SFMBT2: variants seen among roughly 807,000 people sequenced by gnomAD.
The protein encoded by SFMBT2 is Scm like with four mbt domains 2.
Under a neutral mutation model 110.1 loss-of-function variants are expected in SFMBT2, and 38 were observed. The ratio of observed to expected loss-of-function variants is 0.35; its 90% CI spans 0.27 to 0.45. SFMBT2 has a LOEUF of 0.45. Ranked by LOEUF, SFMBT2 falls within the 20% of genes least tolerant of loss-of-function variation. The pLI is 1.00. For missense variants in SFMBT2, 1,011 were observed against 1,094.9 expected (o/e 0.92, Z 1.08); for synonymous variants, 425 against 425.4 (o/e 1.00, Z 0.01).
chr10:7,346,060 G>A (rs982327321), intron 4 of SFMBT2, among the ~76,000 whole-genome samples: 2 of 152,054 alleles, frequency 1.3e-5, no homozygotes, highest in African/African-American at 4.8e-5. Context: ...TCACCCCCCC[G>A]AAATTCCCTC....
At chr10:7,311,156 T>G (rs1842847345) in intron 4 of SFMBT2, among the ~76,000 whole-genome samples, 1 of 151,366 alleles carries the variant, frequency 6.6e-6, no homozygotes. Context: ...AACTGTTTCA[T>G]TCTAAATCTT....
At chr10:7,323,231 G>A (rs4748827) in intron 4 of SFMBT2, among the ~76,000 whole-genome samples, 65,071 of 151,808 alleles carry the variant, frequency 0.43, 14,906 homozygotes, top group African/African-American at 0.61. Flanking sequence ...AGGCGGGTTG[G>A]TCACCTGAGT....
chr10:7,376,849 A>C (rs1845232985), intron 2 of SFMBT2, among the ~76,000 whole-genome samples: 1 of 66,314 alleles, frequency 1.5e-5, no homozygotes, highest in East Asian at 4.8e-4. Flanking sequence ...CGGGGTGGAC[A>C]GTGGCAAAAA....
intron 4 of SFMBT2, among the ~76,000 whole-genome samples, chr10:7,354,536 C>T (rs909714439): frequency 6.6e-6 from 1 of 152,086 alleles, no homozygotes; most frequent in Non-Finnish European, 1.5e-5. Flanking sequence ...TATTCTCAGG[C>T]AGATCAGTCT....
intron 9 of SFMBT2, among the ~76,000 whole-genome samples, chr10:7,240,353 C>G (rs1840392245): frequency 6.6e-6 from 1 of 152,130 alleles, no homozygotes; most frequent in Non-Finnish European, 1.5e-5. Flanking sequence ...GTCCCTCATT[C>G]TTTTCAACAA....
In SFMBT2 at chr10:7,243,602, A is replaced by G; in HGVS notation, c.1076T>C (p.Val359Ala). The change falls in exon 9 of 21, where the codon GTA becomes GCA. Residue 359 changes from valine to alanine, a missense_variant. Val to Ala is a moderately conservative substitution (Grantham distance 64). This residue lies in a region of SFMBT2 where 979 missense variants were observed against 1,016.1 expected (regional missense o/e 0.96). Transcript: ENST00000397167. ...CHADSLGILP[V>A]QWCLKNGVSL... is the part of the protein sequence containing the mutation. ...GACTCCATTTTTAAGGCACCACTGT[A>G]CTGGCAAAATCCCCAAAGAATCTGC... 1.1e-6 allele frequency: 1 copy of G among 872,984 alleles called. No homozygotes were observed. The highest frequency in any genetic ancestry group is 2.4e-5 in the East Asian group (1 of 41,710). 54.1% of individuals were successfully genotyped at this position (872,984 alleles called of 1,614,324 possible).
intron 2 of SFMBT2, among the ~76,000 whole-genome samples, chr10:7,375,584 AAGCATCTG>A (rs1845177893): frequency 6.6e-6 from 1 of 152,138 alleles, no homozygotes; most frequent in African/African-American, 2.4e-5. Flanking sequence ...TATTCATTGG[AAGCATCTG>A]TGCAAACAAC....
At chr10:7,228,376 T>TAA in intron 9 of SFMBT2, 136 of 686,156 alleles carry the variant, frequency 2.0e-4, no homozygotes, top group Middle Eastern at 7.4e-4. Flanking sequence ...AATAAAAAAT[T>TAA]AAAAAAAAAA....
In SFMBT2 at chr10:7,188,665, T is replaced by A. The variant is rs987530282; in HGVS notation, c.1767A>T (p.Glu589Asp). The A allele has an allele frequency of 6.2e-7, 1 of 1,613,780 alleles. No individual in the cohort carries two copies. Among genetic ancestry groups the A allele is most frequent in the Non-Finnish European group, 8.5e-7 (1 of 1,179,874 alleles). Residue 589 changes from glutamate to aspartate, a missense_variant, in exon 16 of 21, where the codon GAA becomes GAT. By Grantham distance (45) the Glu-to-Asp change is conservative. Coordinates refer to ENST00000397167, the MANE Select transcript of SFMBT2 (RefSeq NM_001387889.1). ...CTTCCTGGAAATTCCAGTGGGGATC[T>A]TCTACCAGCTGTAATTCTCTTAATA... ...GRVLRELQLV[E>D]DPHWNFQEET...
chr10:7,331,881 G>A (rs375408717), intron 4 of SFMBT2, among the ~76,000 whole-genome samples: 16 of 151,994 alleles, frequency 1.1e-4, no homozygotes, highest in African/African-American at 2.7e-4. Context: ...GTGGTGGTGC[G>A]CCCCTGTATT....
At chr10:7,283,247 G>T (rs555966068) in intron 6 of SFMBT2, among the ~76,000 whole-genome samples, 1 of 152,332 alleles carries the variant, frequency 6.6e-6, no homozygotes, top group South Asian at 2.1e-4. Context: ...GTATGACAGA[G>T]AGCATAAGGC....
intron 4 of SFMBT2, among the ~76,000 whole-genome samples, chr10:7,309,739 T>C (rs1365834011): frequency 6.6e-6 from 1 of 152,208 alleles, no homozygotes; most frequent in African/African-American, 2.4e-5. Flanking sequence ...GTTAAAATAG[T>C]AATTCAGTAA....
At chr10:7,229,848 G>A (rs61838001) in intron 9 of SFMBT2, among the ~76,000 whole-genome samples, 36,637 of 150,428 alleles carry the variant, frequency 0.24, 4,815 homozygotes, top group South Asian at 0.37. Context: ...AGCCTCCTGA[G>A]TAGCTGGGAC....
intron 11 of SFMBT2, among the ~76,000 whole-genome samples, chr10:7,207,165 G>C (rs1839163702): frequency 6.6e-6 from 1 of 152,042 alleles, no homozygotes; most frequent in African/African-American, 2.4e-5. Flanking sequence ...TTTGAGATCA[G>C]CCTGGCCAAC....
intron 12 of SFMBT2, chr10:7,204,843 A>C: frequency 1.5e-6 from 1 of 682,280 alleles, no homozygotes; most frequent in Non-Finnish European, 1.8e-6. Flanking sequence ...ATTGCACTCC[A>C]GCCTGGGCAA....
At chr10:7,341,275 G>A (rs907106379) in intron 4 of SFMBT2, among the ~76,000 whole-genome samples, 3 of 152,158 alleles carry the variant, frequency 2.0e-5, no homozygotes, top group Admixed American at 6.5e-5. Context: ...ATCTGAAAAT[G>A]CAAAATATGG....
chr10:7,284,298 A>G, intron 5 of SFMBT2, 148 bp from the exon 6 acceptor site: 4 of 1,217,570 alleles, frequency 3.3e-6, no homozygotes, highest in Non-Finnish European at 4.4e-6. Context: ...ATCCTTGCCC[A>G]GCCCATGCCC....
chr10:7,243,547 A>G lies in SFMBT2; in HGVS notation c.1120+11T>C, dbSNP rs1292980589. ...ATCTCCAGACCCTGCATACCTTCAC[A>G]GAATACAAACCTTTGGGAGGAGTGA... On this transcript the variant is annotated intron_variant, in intron 9 of 20. Coordinates refer to ENST00000397167, the MANE Select transcript of SFMBT2 (RefSeq NM_001387889.1). The G allele has an allele frequency of 3.4e-6, 3 of 872,468 alleles. No individual in the cohort carries two copies. The East Asian group carries it at 7.2e-5, about 21-fold the overall frequency. 54.0% of individuals were successfully genotyped at this position (872,468 alleles called of 1,614,324 possible). A position where few individuals can be genotyped will look rare whatever the true frequency, so the allele number is the denominator to read the frequency against.
chr10:7,384,315 G>A (rs1845523091), intron 1 of SFMBT2, among the ~76,000 whole-genome samples: 1 of 151,610 alleles, frequency 6.6e-6, no homozygotes, highest in South Asian at 2.1e-4. Flanking sequence ...ACCGTCTGGG[G>A]CACCTCGGAG....
Sources: allele counts gnomAD v4.1 joint callset (sites outside exome capture counted in the v4.1 genomes callset), GRCh38; gene constraint gnomAD v4.1.1; regional missense constraint gnomAD v4.1.1; transcripts MANE v1.5; gene names NCBI Gene and HGNC (gene_info 2026-07-23, HGNC 2026-07-21).